OR3A2: variants seen among roughly 807,000 people sequenced by gnomAD.
OR3A2 encodes the protein olfactory receptor family 3 subfamily A member 2, also known as olfactory receptor 3A2.
For synonymous variants in OR3A2, 126 were observed against 159.3 expected (o/e 0.79, Z 1.57); for missense variants, 318 against 392.8 (o/e 0.81, Z 1.61).
intron 1 of OR3A2, chr17:3,383,931 T>C (rs564922453): frequency 2.2e-5 from 3 of 136,776 alleles, no homozygotes; most frequent in African/African-American, 6.0e-5. Context: ...TGAATAAATA[T>C]TGTATACAAA....
At chr17:3,331,747 A>G (rs906314926) in intron 3 of OR3A2, among the ~76,000 whole-genome samples, 12 of 151,938 alleles carry the variant, frequency 7.9e-5, no homozygotes, top group East Asian at 3.9e-4. Flanking sequence ...GCTTTGTTCC[A>G]TTGCTGGTGA....
rs201389844 is a variant in OR3A2 at position 3,291,759 on chromosome 17, T to C, written c.-84-12606A>G. ...GACAGTGTTGAAAATTCCAACAGCTTTATCCTTGTCTGAAAGCTTGGTTGA... is the reference window on the plus strand; with the variant it reads ...GACAGTGTTGAAAATTCCAACAGCTCTATCCTTGTCTGAAAGCTTGGTTGA... On this transcript the variant is annotated intron_variant, in intron 3 of 4. Transcript: ENST00000573491. 7 of 1,613,802 alleles carry C rather than the reference T, an allele frequency of 4.3e-6. No homozygotes were observed. The East Asian group carries it at 8.9e-5, about 21-fold the overall frequency.
intron 2 of OR3A2, among the ~76,000 whole-genome samples, chr17:3,360,898 T>C (rs1449782941): frequency 6.6e-6 from 1 of 151,664 alleles, no homozygotes; most frequent in Non-Finnish European, 1.5e-5. Context: ...CTTGGCGATC[T>C]GGGCTCCTTT....
chr17:3,364,467 C>A (rs933089011), intron 2 of OR3A2, among the ~76,000 whole-genome samples: 1 of 152,090 alleles, frequency 6.6e-6, no homozygotes, highest in African/African-American at 2.4e-5. Context: ...AAATCTTGTA[C>A]CTTTTGACCA....
intron 2 of OR3A2, among the ~76,000 whole-genome samples, chr17:3,381,458 G>A (rs1038373143): frequency 1.4e-4 from 22 of 152,038 alleles, no homozygotes; most frequent in African/African-American, 5.3e-4. Context: ...GTCCACAACA[G>A]CAGCTCAGCA....
At chr17:3,301,920 G>A (rs1195583855) in intron 3 of OR3A2, among the ~76,000 whole-genome samples, 1 of 152,108 alleles carries the variant, frequency 6.6e-6, no homozygotes, top group East Asian at 1.9e-4. Flanking sequence ...TCCTATAACA[G>A]ACAAGCAGAG....
At chr17:3,326,409 G>C (rs1336986509) in intron 3 of OR3A2, among the ~76,000 whole-genome samples, 1 of 152,020 alleles carries the variant, frequency 6.6e-6, no homozygotes, top group African/African-American at 2.4e-5. Flanking sequence ...AAAGATTGTT[G>C]CGGGAAGTCA....
At chr17:3,277,501 C>T (rs1006580694) in exon 2 of OR3A2, 2 of 158,660 alleles carry the variant, frequency 1.3e-5, no homozygotes, top group African/African-American at 2.4e-5. Context: ...ACTGGACATT[C>T]TTTGTAGAAT....
intron 3 of OR3A2, among the ~76,000 whole-genome samples, chr17:3,316,748 T>C (rs1197044203): frequency 6.6e-6 from 1 of 152,216 alleles, no homozygotes; most frequent in Middle Eastern, 3.2e-3. Context: ...CTTTGCCTCC[T>C]TCCCTGCATC....
rs566841075 is a variant in OR3A2 at position 3,360,165 on chromosome 17, T to C, written c.-179+23639A>G. 3.8e-3 allele frequency among the ~76,000 whole-genome samples: 573 copies of C among 152,024 alleles called. 3 individuals carry two copies. The highest frequency in any genetic ancestry group is 6.4e-3 in the Non-Finnish European group (435 of 68,036). ...GTGGTTTTAATTTGCATTTCTCTGA[T>C]GGCCAGTGATGATGAACATTTTTTC... On this transcript the variant is annotated intron_variant, in intron 2 of 4. Transcript: ENST00000573491.
chr17:3,286,304 C>T (rs940549014), upstream of OR3A2, among the ~76,000 whole-genome samples: 3 of 152,150 alleles, frequency 2.0e-5, no homozygotes, highest in East Asian at 1.9e-4. Context: ...TTTTCTTTAT[C>T]CAGTCTGTCC....
intron 2 of OR3A2, among the ~76,000 whole-genome samples, chr17:3,354,095 A>G (rs1019811376): frequency 2.0e-5 from 3 of 151,674 alleles, no homozygotes; most frequent in Non-Finnish European, 3.0e-5. Context: ...ATTTTGTTGA[A>G]GATTTCTGCA....
intron 3 of OR3A2, among the ~76,000 whole-genome samples, chr17:3,315,285 C>T (rs2049072411): frequency 6.6e-6 from 1 of 152,214 alleles, no homozygotes; most frequent in South Asian, 2.1e-4. Context: ...AGGGGCTGCA[C>T]AAAGTTACAT....
At chr17:3,361,088 T>C (rs2049510730) in intron 2 of OR3A2, among the ~76,000 whole-genome samples, 1 of 151,720 alleles carries the variant, frequency 6.6e-6, no homozygotes, top group East Asian at 1.9e-4. Flanking sequence ...TCCTCTTTTA[T>C]TTCGTTAAGC....
chr17:3,331,981 A>C (rs982376870), intron 3 of OR3A2, among the ~76,000 whole-genome samples: 2 of 150,032 alleles, frequency 1.3e-5, no homozygotes, highest in Non-Finnish European at 3.0e-5. Context: ...GCCGTGTGAG[A>C]TGTCAGTGTG....
intron 3 of OR3A2, among the ~76,000 whole-genome samples, chr17:3,308,420 C>T (rs1486625797): frequency 3.3e-5 from 5 of 152,110 alleles, no homozygotes; most frequent in Non-Finnish European, 5.9e-5. Flanking sequence ...CCTCACTGTA[C>T]TCTCACAGCT....
rs1354292497 is a variant in OR3A2, at chr17:3,366,674, CA to C, written c.-179+17129del. 2.6e-4 allele frequency among the ~76,000 whole-genome samples: 39 copies of C among 152,274 alleles called. No homozygotes were observed. The East Asian group carries it at 7.5e-3, about 29-fold the overall frequency. The stretch of plus-strand genomic sequence containing the variant: ...TTCATCTCAGTTTTTCACACACACA[CA>C]AATGCCCTAAAACATTCATGGCAGA... On this transcript the variant is annotated intron_variant, in intron 2 of 4. Coordinates refer to the OR3A2 transcript ENST00000573491.
rs535898847 is a variant in OR3A2, at chr17:3,338,008, C to T, written c.-178-1882G>A. On this transcript the variant is annotated intron_variant, in intron 2 of 4. Coordinates refer to the OR3A2 transcript ENST00000573491. Reference sequence around the variant, plus strand: ...GGTATCTCATTGTGGTTTTGATTTGCATTTCTCTGATGGCCAGTGATGATG... The same window carrying T: ...GGTATCTCATTGTGGTTTTGATTTGTATTTCTCTGATGGCCAGTGATGATG... 3.9e-5 allele frequency among the ~76,000 whole-genome samples: 6 copies of T among 152,300 alleles called. No individual in the cohort carries two copies. In the East Asian group the frequency reaches 1.2e-3, roughly 29 times the overall value.
At chr17:3,323,317 C>G (rs1368433119) in intron 3 of OR3A2, among the ~76,000 whole-genome samples, 3 of 151,968 alleles carry the variant, frequency 2.0e-5, no homozygotes, top group Admixed American at 1.3e-4. Flanking sequence ...ATCCAATTTG[C>G]CAGTCTGTGT....
Sources: gnomAD v4.1 joint callset for allele counts (sites outside exome capture counted in the v4.1 genomes callset) on GRCh38, gnomAD v4.1.1 for gene constraint, MANE v1.5 for transcripts, NCBI Gene and HGNC (gene_info 2026-07-23, HGNC 2026-07-21) for gene names.